Variants in CRTC3 observed in about 807,000 individuals in gnomAD.
CRTC3 encodes CREB regulated transcription coactivator 3, also known as CREB-regulated transcription coactivator 3.
CRTC3 carries 26 observed loss-of-function variants against 74.5 expected under a neutral mutation model. The observed-to-expected ratio is 0.35, with a 90% CI of 0.26 to 0.48. CRTC3 has a LOEUF of 0.48. CRTC3 is among the 20% of genes least tolerant of loss of function. The pLI is 0.99. For synonymous variants in CRTC3, 377 were observed against 325.8 expected (o/e 1.16, Z -1.69); for missense variants, 760 against 787.3 (o/e 0.97, Z 0.41).
At position 90,615,506 on chromosome 15, in the gene CRTC3, T is replaced by C. The variant is rs568967653; in HGVS notation, c.613+1018T>C. Among the ~76,000 whole-genome samples the C allele has an allele frequency of 3.9e-5, 6 of 152,388 alleles. No individual in the cohort carries two copies. In the South Asian group the frequency reaches 1.2e-3, roughly 32 times the overall value. On this transcript the variant is annotated intron_variant, in intron 7 of 14. Coordinates refer to ENST00000268184, the MANE Select transcript of CRTC3 (RefSeq NM_022769.5). ...TCTGTCATCATCCTGCAGCTCCTTT[T>C]CTGGGCAAGCCCTTTTAGGCCATGA...
At chr15:90,630,535 G>A (rs1968998564) in intron 11 of CRTC3, among the ~76,000 whole-genome samples, 1 of 152,088 alleles carries the variant, frequency 6.6e-6, no homozygotes, top group African/African-American at 2.4e-5. Flanking sequence ...GCTCACTTGA[G>A]CCCAGGAGGT....
chr15:90,582,114 A>G (rs539497106), intron 2 of CRTC3, among the ~76,000 whole-genome samples: 8 of 152,372 alleles, frequency 5.3e-5, no homozygotes, highest in African/African-American at 1.7e-4. Flanking sequence ...TTCTATCACC[A>G]TAAGAAGCAA....
chr15:90,540,841 A>G (rs1183516536), intron 2 of CRTC3, among the ~76,000 whole-genome samples: 4 of 152,328 alleles, frequency 2.6e-5, no homozygotes, highest in East Asian at 3.9e-4. Flanking sequence ...TTAACATGCA[A>G]TCAGCATAAA....
At chr15:90,548,827 T>A (rs1482734167) in intron 2 of CRTC3, among the ~76,000 whole-genome samples, 4 of 152,144 alleles carry the variant, frequency 2.6e-5, no homozygotes, top group Non-Finnish European at 5.9e-5. Context: ...AATTCGACAA[T>A]AGCACAATTC....
chr15:90,602,451 C>T (rs1968094683), intron 4 of CRTC3, 66 bp downstream of exon 4: 1 of 887,244 alleles, frequency 1.1e-6, no homozygotes, highest in Non-Finnish European at 1.9e-6. Context: ...TCACTTTATC[C>T]ACTTTGAATG....
chr15:90,580,232 G>T (rs1016672814), intron 2 of CRTC3, among the ~76,000 whole-genome samples: 1 of 152,052 alleles, frequency 6.6e-6, no homozygotes, highest in Non-Finnish European at 1.5e-5. Context: ...CTGTTCCCTT[G>T]TCTGGGTTCT....
Position 90,530,025 on chromosome 15 carries a change from G to A in CRTC3, c.-47G>A. 3 of 1,352,610 alleles carry A rather than the reference G, an allele frequency of 2.2e-6. No individual in the cohort carries two copies. Among genetic ancestry groups the A allele is most frequent in the Non-Finnish European group, 2.9e-6 (3 of 1,034,726 alleles). 83.8% of individuals were successfully genotyped at this position (1,352,610 alleles called of 1,614,324 possible). On this transcript the variant is annotated 5_prime_UTR_variant, in exon 1 of 15. Coordinates refer to ENST00000268184, the MANE Select transcript of CRTC3 (RefSeq NM_022769.5). The surrounding 1 kb of genome is among the most constrained non-coding windows in gnomAD (Gnocchi z 6.2). ...GACGGACGGGTGGGCCGAGGTACAG[G>A]CCCCACGGCCGCCGTCTCCCGCTTC...
chr15:90,549,004 A>C lies in CRTC3; in HGVS notation c.231+8867A>C, dbSNP rs185764100. Among the ~76,000 whole-genome samples the C allele has an allele frequency of 1.6e-4, 25 of 152,352 alleles. No homozygotes were observed. In the East Asian group the frequency reaches 4.8e-3, roughly 29 times the overall value. ...TATTTCTAGACTCATTTTAAAAGCA[A>C]TACTTCTTTTTCTGATTATAAATGT... is the stretch of plus-strand genomic sequence containing the variant. On this transcript the variant is annotated intron_variant, in intron 2 of 14. Coordinates refer to ENST00000268184, the MANE Select transcript of CRTC3 (RefSeq NM_022769.5).
chr15:90,639,322 GT>G (rs1429865730), intron 13 of CRTC3, among the ~76,000 whole-genome samples: 2 of 151,750 alleles, frequency 1.3e-5, no homozygotes, highest in Non-Finnish European at 2.9e-5. Context: ...TTACAGTTTA[GT>G]TTTTTCCTAA....
rs1267517984 is a variant in CRTC3 at position 90,571,911 on chromosome 15, C to A, written c.232-21725C>A. ...GTGCAGTGGCTCACACCTGTAATCCCAGCACTTTGGGAGGCCGAGGCAGGT... is the reference window on the plus strand; with the variant it reads ...GTGCAGTGGCTCACACCTGTAATCCAAGCACTTTGGGAGGCCGAGGCAGGT... On this transcript the variant is annotated intron_variant, in intron 2 of 14. Coordinates refer to ENST00000268184, the MANE Select transcript of CRTC3 (RefSeq NM_022769.5). 3.3e-5 allele frequency among the ~76,000 whole-genome samples: 5 copies of A among 152,252 alleles called. No individual in the cohort carries two copies. In the South Asian group the frequency reaches 1.0e-3, roughly 32 times the overall value.
At position 90,629,414 on chromosome 15, in the gene CRTC3, C is replaced by T; in HGVS notation, c.1148C>T (p.Ser383Phe). 6.2e-7 allele frequency: 1 copy of T among 1,614,154 alleles called. No homozygotes were observed. Among genetic ancestry groups the T allele is most frequent in the Non-Finnish European group, 8.5e-7 (1 of 1,180,020 alleles). Residue 383 changes from serine (S) to phenylalanine (F), a missense_variant, in exon 11 of 15, where the codon TCT becomes TTT. By Grantham distance (155) the Ser-to-Phe change is radical. Transcript: ENST00000268184. ...TCCACCACAAACCTGAGCGGCCCGT[C>T]TCGGCGTCGGCAGCCTCCCGTCAGC... is the stretch of plus-strand genomic sequence containing the variant. Reference protein sequence around the residue: ...SLSTTNLSGPSRRRQPPVSPL... With the variant: ...SLSTTNLSGPFRRRQPPVSPL...
Position 90,641,085 on chromosome 15 carries a change from C to G in CRTC3, c.1549-12C>G. 1 of 1,588,800 alleles carries G rather than the reference C, an allele frequency of 6.3e-7. No homozygotes were observed. Among genetic ancestry groups the G allele is most frequent in the Non-Finnish European group, 8.6e-7 (1 of 1,157,204 alleles). On this transcript the variant is annotated splice_polypyrimidine_tract_variant and intron_variant, in intron 13 of 14. Transcript: ENST00000268184. ...GGTGTGGCCTTCCTCACATGACCTTCGATGCTTCCAGGTGCCTCTGGTGCA... is the reference window on the plus strand; with the variant it reads ...GGTGTGGCCTTCCTCACATGACCTTGGATGCTTCCAGGTGCCTCTGGTGCA...
At chr15:90,535,518 A>G (rs1356801153) in intron 1 of CRTC3, among the ~76,000 whole-genome samples, 3 of 152,056 alleles carry the variant, frequency 2.0e-5, no homozygotes, top group Non-Finnish European at 4.4e-5. Flanking sequence ...GGGAATGGAG[A>G]TAGGGTTGGA....
At chr15:90,553,524 T>G (rs1206053297) in intron 2 of CRTC3, among the ~76,000 whole-genome samples, 3 of 152,190 alleles carry the variant, frequency 2.0e-5, no homozygotes, top group Non-Finnish European at 4.4e-5. Flanking sequence ...GAGAGAAAAG[T>G]AGATAACTCA....
chr15:90,620,590 G>A (rs1319173015), intron 9 of CRTC3, among the ~76,000 whole-genome samples: 4 of 152,122 alleles, frequency 2.6e-5, no homozygotes, highest in Non-Finnish European at 4.4e-5. Context: ...GGTACAGACA[G>A]CTGCTGGGGA....
intron 14 of CRTC3, 71 bp downstream of exon 14, chr15:90,641,270 G>A (rs1969431697): frequency 9.4e-7 from 1 of 1,062,268 alleles, no homozygotes; most frequent in East Asian, 2.4e-5. Flanking sequence ...TCATAAGAGA[G>A]TTTAAACAAC....
Position 90,642,191 on chromosome 15 carries a change from A to C in CRTC3, c.*51A>C. 6.6e-7 allele frequency: 1 copy of C among 1,506,922 alleles called. No homozygotes were observed. The highest frequency in any genetic ancestry group is 9.2e-7 in the Non-Finnish European group (1 of 1,085,942). The allele number at this position is 1,506,922 out of a possible 1,614,324, so 93.3% of individuals were successfully genotyped here. A position where few individuals can be genotyped will look rare whatever the true frequency, so the allele number is the denominator to read the frequency against. On this transcript the variant is annotated 3_prime_UTR_variant, in exon 15 of 15. Transcript: ENST00000268184. ...GTTTTTCTGCAACAGCCAAAATAGAATGGAATAGAATGAAGCCAGCTGATA... is the reference window on the plus strand; with the variant it reads ...GTTTTTCTGCAACAGCCAAAATAGACTGGAATAGAATGAAGCCAGCTGATA...
intron 2 of CRTC3, among the ~76,000 whole-genome samples, chr15:90,581,215 G>C (rs561884213): frequency 1.3e-5 from 2 of 152,328 alleles, no homozygotes; most frequent in Admixed American, 1.3e-4. Flanking sequence ...AGTCCAGACA[G>C]AACAGGACAA....
At chr15:90,617,805 A>T in intron 7 of CRTC3, 78 bp from the exon 8 acceptor site, 1 of 929,672 alleles carries the variant, frequency 1.1e-6, no homozygotes, top group Non-Finnish European at 1.8e-6. Flanking sequence ...TGCTAGGATT[A>T]TAGGCGTGAG....
Sources: allele counts gnomAD v4.1 joint callset (sites outside exome capture counted in the v4.1 genomes callset), GRCh38; gene constraint gnomAD v4.1.1; non-coding constraint Gnocchi (gnomAD v3.1); transcripts MANE v1.5; gene names NCBI Gene and HGNC (gene_info 2026-07-23, HGNC 2026-07-21).